Variants in AP1B1 observed in about 807,000 individuals in gnomAD.
AP1B1 encodes AP-1 complex subunit beta-1.
AP1B1 carries 36 observed loss-of-function variants against 104.3 expected under a neutral mutation model. That is an observed-to-expected ratio of 0.35 (90% CI 0.26 to 0.46). The LOEUF (loss-of-function observed/expected upper bound fraction) is 0.46. Ranked by LOEUF, AP1B1 falls within the 20% of genes least tolerant of loss-of-function variation. The pLI is 1.00. For missense variants in AP1B1, 901 were observed against 1,247.9 expected, an observed-to-expected ratio of 0.72 and a Z score of 4.19; for synonymous variants, 504 against 517.5, an observed-to-expected ratio of 0.97 and a Z score of 0.35.
At chr22:29,361,995 T>C (rs1245387749) in intron 3 of AP1B1, among the ~76,000 whole-genome samples, 1 of 152,172 alleles carries the variant, frequency 6.6e-6, no homozygotes, top group East Asian at 1.9e-4. Context: ...GGTTTCACCA[T>C]GTTGGCCAGG....
At chr22:29,374,408 T>C (rs547723587) in intron 1 of AP1B1, among the ~76,000 whole-genome samples, 1 of 152,278 alleles carries the variant, frequency 6.6e-6, no homozygotes, top group East Asian at 1.9e-4. Context: ...ATGATAAACA[T>C]ACTCACTAAC....
At chr22:29,357,897 A>G (rs900824937) in intron 5 of AP1B1, among the ~76,000 whole-genome samples, 10 of 151,676 alleles carry the variant, frequency 6.6e-5, no homozygotes, top group African/African-American at 2.4e-4. Context: ...CATGTTGGCC[A>G]GGATGGTCTC....
chr22:29,380,870 G>T (rs977245190), intron 1 of AP1B1, among the ~76,000 whole-genome samples: 4 of 152,088 alleles, frequency 2.6e-5, no homozygotes, highest in African/African-American at 9.7e-5. Flanking sequence ...TCTTCCAACG[G>T]TTCTCTGTCT....
chr22:29,343,762 G>A (rs1405964115), intron 11 of AP1B1, among the ~76,000 whole-genome samples: 2 of 152,140 alleles, frequency 1.3e-5, no homozygotes, highest in Non-Finnish European at 2.9e-5. Context: ...GTTTCCTAAC[G>A]TATAAAACAG....
chr22:29,371,128 G>C (rs900084920), intron 1 of AP1B1, among the ~76,000 whole-genome samples: 1 of 152,192 alleles, frequency 6.6e-6, no homozygotes, highest in African/African-American at 2.4e-5. Context: ...ACAGCTTAGT[G>C]ATGTACTGAG....
At chr22:29,363,915 G>C (rs956837131) in intron 2 of AP1B1, among the ~76,000 whole-genome samples, 3 of 152,054 alleles carry the variant, frequency 2.0e-5, no homozygotes, top group African/African-American at 4.8e-5. Context: ...AAGTTTAGAG[G>C]CCACTCTGGA....
At chr22:29,354,387 G>C (rs1273873274) in intron 7 of AP1B1, among the ~76,000 whole-genome samples, 1 of 152,144 alleles carries the variant, frequency 6.6e-6, no homozygotes, top group East Asian at 1.9e-4. Flanking sequence ...TCTGTGCACT[G>C]TAGGATGCTG....
chr22:29,329,478 G>A (rs2061524482), intron 22 of AP1B1: 3 of 1,386,510 alleles, frequency 2.2e-6, no homozygotes, highest in South Asian at 1.7e-5. Context: ...ATGGAGTTCC[G>A]CAGGTCAGCA....
chr22:29,373,877 G>A (rs1173236196), intron 1 of AP1B1, among the ~76,000 whole-genome samples: 5 of 151,074 alleles, frequency 3.3e-5, no homozygotes, highest in African/African-American at 1.2e-4. Flanking sequence ...ACTCCAGCCT[G>A]GGCGACAGAG....
chr22:29,341,423 G>A, intron 13 of AP1B1, 78 bp downstream of exon 13: 2 of 1,543,924 alleles, frequency 1.3e-6, no homozygotes, highest in Non-Finnish European at 1.8e-6. Context: ...GGGACAACAC[G>A]CCAGGCCTGA....
Position 29,356,439 on chromosome 22 carries a change from G to T in AP1B1, c.703C>A (p.Arg235Ser), listed in dbSNP as rs766149155. The T allele has an allele frequency of 6.2e-7, 1 of 1,613,424 alleles. No homozygotes were observed. The change falls in exon 6 of 23, where the codon CGC becomes AGC. Residue 235 changes from arginine (R) to serine (S), a missense_variant. Physicochemically the swap from Arg to Ser is moderately radical, Grantham distance 110 (BLOSUM62 -1). Transcript: ENST00000357586. ...CAGCCCGCTCACCTCTGGGCCTCGCGGTCGTCCTTGGGCATATAGTTGGCG... is the reference window on the plus strand; with the variant it reads ...CAGCCCGCTCACCTCTGGGCCTCGCTGTCGTCCTTGGGCATATAGTTGGCG... Reference protein sequence around the residue: ...CLANYMPKDDREAQSICERVT... With the variant: ...CLANYMPKDDSEAQSICERVT...
intron 10 of AP1B1, 32 bp downstream of exon 10, chr22:29,350,003 G>A (rs760517364): frequency 6.5e-7 from 1 of 1,532,576 alleles, no homozygotes; most frequent in South Asian, 1.1e-5. Context: ...GGCAGAGCTA[G>A]ATGCCCTCTC....
At chr22:29,338,697 A>C (rs1266462833) in intron 16 of AP1B1, among the ~76,000 whole-genome samples, 1 of 152,076 alleles carries the variant, frequency 6.6e-6, no homozygotes, top group Non-Finnish European at 1.5e-5. Context: ...TGATTCCCTC[A>C]CAAAGGCCGT....
At chr22:29,330,884 AG>A (rs1306737290) in intron 19 of AP1B1, among the ~76,000 whole-genome samples, 175 bp from the exon 20 acceptor site, 4 of 152,116 alleles carry the variant, frequency 2.6e-5, no homozygotes, top group Admixed American at 1.3e-4. Flanking sequence ...TCTGTGAGGG[AG>A]GCCCCAGTGC....
chr22:29,333,761 G>C (rs1463861378), intron 17 of AP1B1, among the ~76,000 whole-genome samples: 1 of 152,124 alleles, frequency 6.6e-6, no homozygotes, highest in African/African-American at 2.4e-5. Context: ...AGGCCACTTG[G>C]GGGTAAAAAT....
chr22:29,350,224 C>G, intron 9 of AP1B1, 74 bp from the exon 10 acceptor site: 1 of 1,159,130 alleles, frequency 8.6e-7, no homozygotes, highest in Non-Finnish European at 1.3e-6. Context: ...GTCCACGCCT[C>G]GGCCAAGGGC....
intron 1 of AP1B1, among the ~76,000 whole-genome samples, chr22:29,383,625 C>T (rs1228683648): frequency 7.0e-6 from 1 of 143,056 alleles, no homozygotes; most frequent in Admixed American, 7.5e-5. Context: ...AGGAGAATGG[C>T]GTGAACCTGG....
chr22:29,371,838 T>C (rs994915237), intron 1 of AP1B1, among the ~76,000 whole-genome samples: 4 of 152,192 alleles, frequency 2.6e-5, no homozygotes, highest in Non-Finnish European at 4.4e-5. Context: ...GAATTTTTGA[T>C]TCAGAAACTG....
chr22:29,335,010 C>T (rs2061617612), intron 16 of AP1B1, among the ~76,000 whole-genome samples: 1 of 152,212 alleles, frequency 6.6e-6, no homozygotes, highest in South Asian at 2.1e-4. Context: ...CCTCCTGGAA[C>T]CCTGCCCCCA....
Sources: gnomAD v4.1 joint callset for allele counts (sites outside exome capture counted in the v4.1 genomes callset) on GRCh38, gnomAD v4.1.1 for gene constraint, MANE v1.5 for transcripts, NCBI Gene and HGNC (gene_info 2026-07-23, HGNC 2026-07-21) for gene names.